Variants in DNAH3 observed in about 807,000 individuals in gnomAD.
The protein encoded by DNAH3 is dynein axonemal heavy chain 3.
Under a neutral mutation model 432.5 loss-of-function variants are expected in DNAH3, and 332 were observed. The observed-to-expected ratio is 0.77, with a 90% CI of 0.70 to 0.84. The LOEUF (loss-of-function observed/expected upper bound fraction) is 0.84. DNAH3 is among the 40% of genes least tolerant of loss of function. DNAH3 has a pLI of 0.00. For missense variants in DNAH3, 4,861 were observed against 5,114.0 expected (o/e 0.95, Z 1.51); for synonymous variants, 1,956 against 1,900.2 (o/e 1.03, Z -0.76).
intron 43 of DNAH3, among the ~76,000 whole-genome samples, chr16:20,998,286 GCT>G (rs2086852710): frequency 6.6e-6 from 1 of 152,012 alleles, no homozygotes; most frequent in East Asian, 1.9e-4. Flanking sequence ...AGACAGTCTT[GCT>G]CTGTCACCCA....
chr16:21,060,776 C>T (rs549549738), intron 25 of DNAH3, among the ~76,000 whole-genome samples: 19 of 150,910 alleles, frequency 1.3e-4, no homozygotes, highest in Non-Finnish European at 2.4e-4. Flanking sequence ...CTGCCCACCT[C>T]GGCCTCCAAA....
At chr16:20,994,019 A>G (rs575532074) in intron 44 of DNAH3, among the ~76,000 whole-genome samples, 1 of 152,008 alleles carries the variant, frequency 6.6e-6, no homozygotes, top group Non-Finnish European at 1.5e-5. Context: ...TATTTCTTCT[A>G]TTTCTTTATT....
chr16:21,076,147 C>A (rs1350213311), intron 20 of DNAH3, among the ~76,000 whole-genome samples: 1 of 152,034 alleles, frequency 6.6e-6, no homozygotes, highest in Non-Finnish European at 1.5e-5. Context: ...CCCCTAATAT[C>A]TTGGAATGTA....
At chr16:20,944,168 G>GT in intron 58 of DNAH3, among the ~76,000 whole-genome samples, 1 of 146,168 alleles carries the variant, frequency 6.8e-6, no homozygotes. Flanking sequence ...AAGAGAGTTA[G>GT]TTTTAAAACA....
chr16:21,094,282 T>C (rs1216495354), intron 18 of DNAH3, among the ~76,000 whole-genome samples: 1 of 152,146 alleles, frequency 6.6e-6, no homozygotes, highest in African/African-American at 2.4e-5. Context: ...ATGACAGGTA[T>C]GCACATAAAG....
Position 21,140,725 on chromosome 16 carries a change from C to T in DNAH3, c.522-15G>A. 1 of 1,612,850 alleles carries T rather than the reference C, an allele frequency of 6.2e-7. No individual in the cohort carries two copies. Among genetic ancestry groups the T allele is most frequent in the South Asian group, 1.1e-5 (1 of 90,930 alleles). On this transcript the variant is annotated splice_polypyrimidine_tract_variant and intron_variant, in intron 4 of 61. Transcript: ENST00000261383. Reference sequence around the variant, plus strand: ...CCAACTTGATCCTGAAAAGTAGACACAGCTCAGCCCTTGGTGTTTGGTTCT... The same window carrying T: ...CCAACTTGATCCTGAAAAGTAGACATAGCTCAGCCCTTGGTGTTTGGTTCT...
chr16:20,985,864 G>T (rs533716504), intron 47 of DNAH3, 149 bp from the exon 48 acceptor site: 12 of 849,630 alleles, frequency 1.4e-5, no homozygotes, highest in East Asian at 7.7e-5. Context: ...GTTTTGTTTC[G>T]TTTTGTTTTG....
intron 7 of DNAH3, among the ~76,000 whole-genome samples, chr16:21,130,583 G>A (rs1205366088): frequency 2.6e-5 from 4 of 152,134 alleles, no homozygotes; most frequent in Non-Finnish European, 4.4e-5. Context: ...GGGATTACAG[G>A]CATGAGCCAC....
At chr16:20,985,167 G>A (rs1419892785) in exon 48 of DNAH3, 19 of 1,614,056 alleles carry the variant, frequency 1.2e-5, no homozygotes, top group Non-Finnish European at 1.5e-5. Flanking sequence ...TCTCCACGAT[G>A]TCAGCCTTCT....
chr16:20,952,523 C>T (rs1269093587), exon 56 of DNAH3: 37 of 1,612,456 alleles, frequency 2.3e-5, no homozygotes, highest in Non-Finnish European at 3.0e-5. Flanking sequence ...AGGTCAGATT[C>T]GTTGAATTCA....
At chr16:21,120,640 G>A (rs775288971) in intron 11 of DNAH3, 17 of 907,996 alleles carry the variant, frequency 1.9e-5, no homozygotes, top group African/African-American at 9.8e-5. Context: ...TTATTGTCTC[G>A]TAAAGTCATT....
intron 35 of DNAH3, among the ~76,000 whole-genome samples, chr16:21,034,514 C>T (rs961050697): frequency 2.0e-5 from 3 of 152,156 alleles, no homozygotes; most frequent in Non-Finnish European, 4.4e-5. Flanking sequence ...ACACTATTGC[C>T]ATTTATTTTT....
chr16:21,030,366 T>G (rs1268911758), intron 37 of DNAH3, among the ~76,000 whole-genome samples: 1 of 152,138 alleles, frequency 6.6e-6, no homozygotes, highest in Non-Finnish European at 1.5e-5. Context: ...CCAAGCCATG[T>G]GAAGTGGCCT....
chr16:21,142,398 C>T (rs961186499), intron 3 of DNAH3, among the ~76,000 whole-genome samples: 4 of 152,106 alleles, frequency 2.6e-5, no homozygotes, highest in South Asian at 2.1e-4. Flanking sequence ...TACATGCATA[C>T]ATACATACAT....
At chr16:20,965,995 G>C (rs543365878) in intron 52 of DNAH3, among the ~76,000 whole-genome samples, 1 of 132,206 alleles carries the variant, frequency 7.6e-6, no homozygotes, top group South Asian at 2.5e-4. Context: ...TTCCAGGCCT[G>C]AGCCACCATG....
At chr16:20,943,849 T>C (rs1186885051) in intron 58 of DNAH3, among the ~76,000 whole-genome samples, 4 of 152,020 alleles carry the variant, frequency 2.6e-5, no homozygotes, top group African/African-American at 9.7e-5. Context: ...CTGGGCATGG[T>C]GGCATGTGCT....
intron 31 of DNAH3, among the ~76,000 whole-genome samples, chr16:21,046,544 C>T (rs1257147094): frequency 1.3e-5 from 2 of 151,988 alleles, no homozygotes; most frequent in African/African-American, 4.8e-5. Flanking sequence ...CTTCCTCCAT[C>T]CTTTTATTTT....
At position 21,098,511 on chromosome 16, in the gene DNAH3, A is replaced by G. The variant is rs375307817; in HGVS notation, c.2520+105T>C. 1.6e-4 allele frequency: 196 copies of G among 1,189,056 alleles called. 3 individuals carry two copies. The South Asian group carries it at 2.5e-3, about 15-fold the overall frequency. The allele number at this position is 1,189,056 out of a possible 1,614,324, so 73.7% of individuals were successfully genotyped here. A position where few individuals can be genotyped will look rare whatever the true frequency, so the allele number is the denominator to read the frequency against. Reference sequence around the variant, plus strand: ...AGAACTGGCCAATGAGTTAACCAATACTATCCACCTAGTAGATGCTATTAG... The same window carrying G: ...AGAACTGGCCAATGAGTTAACCAATGCTATCCACCTAGTAGATGCTATTAG... On this transcript the variant is annotated intron_variant, in intron 17 of 61. Transcript: ENST00000261383.
chr16:20,976,767 A>T (rs2085610815), intron 50 of DNAH3, among the ~76,000 whole-genome samples: 1 of 152,188 alleles, frequency 6.6e-6, no homozygotes, highest in Non-Finnish European at 1.5e-5. Context: ...GCCACGTGAG[A>T]TCTGTCTCTT....
Sources: allele counts gnomAD v4.1 joint callset (sites outside exome capture counted in the v4.1 genomes callset), GRCh38; gene constraint gnomAD v4.1.1; transcripts MANE v1.5; gene names NCBI Gene and HGNC (gene_info 2026-07-23, HGNC 2026-07-21).